Variants in MRC1 observed in about 807,000 individuals in gnomAD.
The protein encoded by MRC1 is mannose receptor C-type 1, also known as macrophage mannose receptor 1.
Under a neutral mutation model 102.9 loss-of-function variants are expected in MRC1, and 62 were observed. That is an observed-to-expected ratio of 0.60 (90% CI 0.49 to 0.74). MRC1 has a LOEUF of 0.74. MRC1 is among the 30% of genes least tolerant of loss of function. The probability of loss-of-function intolerance (pLI) is 0.00; values close to 1 mark genes in which losing one functional copy is unlikely to be tolerated. For synonymous variants in MRC1, 457 were observed against 298.4 expected, an observed-to-expected ratio of 1.53 and a Z score of -5.48; for missense variants, 1,237 against 862.8, an observed-to-expected ratio of 1.43 and a Z score of -5.43.
intron 2 of MRC1, among the ~76,000 whole-genome samples, chr10:17,824,231 C>T (rs1838440483): frequency 6.6e-6 from 1 of 152,152 alleles, no homozygotes; most frequent in Non-Finnish European, 1.5e-5. Flanking sequence ...AACAAAAATA[C>T]AACACAACTT....
At chr10:17,823,655 T>C (rs1194494588) in intron 2 of MRC1, among the ~76,000 whole-genome samples, 180 bp downstream of exon 2, 1 of 152,254 alleles carries the variant, frequency 6.6e-6, no homozygotes, top group Non-Finnish European at 1.5e-5. Context: ...TGAATAAATG[T>C]GATTAAAAAG....
chr10:17,846,281 T>C (rs972427167), intron 6 of MRC1, among the ~76,000 whole-genome samples: 3 of 152,198 alleles, frequency 2.0e-5, no homozygotes, highest in Admixed American at 2.0e-4. Context: ...TACAATTTTA[T>C]AGGAGAATAA....
chr10:17,907,430 T>C lies in MRC1; in HGVS notation c.3914-104T>C, dbSNP rs1589197942. 10 of 757,620 alleles carry C rather than the reference T, an allele frequency of 1.3e-5. No homozygotes were observed. In the East Asian group the frequency reaches 2.4e-4, roughly 18 times the overall value. The allele number at this position is 757,620 out of a possible 1,614,324, so 46.9% of individuals were successfully genotyped here. A position where few individuals can be genotyped will look rare whatever the true frequency, so the allele number is the denominator to read the frequency against. On this transcript the variant is annotated intron_variant, in intron 27 of 29. Transcript: ENST00000569591. ...TCTGGTTATAAATGACTATTGATTC[T>C]AGTATAAAAGAATATGCTTAGAAAT... is the stretch of plus-strand genomic sequence containing the variant.
chr10:17,880,010 TAA>T (rs1229657613), intron 19 of MRC1, among the ~76,000 whole-genome samples, 189 bp downstream of exon 19: 1 of 152,202 alleles, frequency 6.6e-6, no homozygotes, highest in Non-Finnish European at 1.5e-5. Context: ...TTTACACTAG[TAA>T]ATGACATAGT....
At chr10:17,828,610 T>A (rs2130602762) in intron 3 of MRC1, among the ~76,000 whole-genome samples, 1 of 151,620 alleles carries the variant, frequency 6.6e-6, no homozygotes, top group South Asian at 2.1e-4. Flanking sequence ...ATCAAAAGTG[T>A]TCTTCACAGT....
intron 17 of MRC1, among the ~76,000 whole-genome samples, chr10:17,875,574 G>A (rs1833425258): frequency 1.3e-5 from 2 of 152,070 alleles, no homozygotes; most frequent in Non-Finnish European, 2.9e-5. Flanking sequence ...TTCCATCCAG[G>A]TTGCTGCAAA....
intron 26 of MRC1, among the ~76,000 whole-genome samples, chr10:17,905,205 T>C (rs1302275269): frequency 6.6e-6 from 1 of 152,172 alleles, no homozygotes; most frequent in Non-Finnish European, 1.5e-5. Context: ...GTTGTGGGGC[T>C]GTTGGTTTTT....
intron 1 of MRC1, 121 bp downstream of exon 1, chr10:17,809,647 T>TG (rs1388063835): frequency 1.3e-6 from 1 of 794,206 alleles, no homozygotes; most frequent in African/African-American, 1.7e-5. Flanking sequence ...GGGGTTCCCC[T>TG]GCACCACGCA....
At chr10:17,843,756 A>G (rs1163202593) in intron 5 of MRC1, among the ~76,000 whole-genome samples, 1 of 152,152 alleles carries the variant, frequency 6.6e-6, no homozygotes, top group African/African-American at 2.4e-5. Flanking sequence ...TCATTTAATT[A>G]CCACACAAAG....
intron 7 of MRC1, among the ~76,000 whole-genome samples, chr10:17,852,556 A>G (rs1360141341): frequency 2.6e-5 from 4 of 152,216 alleles, no homozygotes; most frequent in Admixed American, 2.6e-4. Flanking sequence ...AGTCAAACAG[A>G]TGTATATAAA....
At chr10:17,859,139 G>A (rs987297616) in intron 9 of MRC1, among the ~76,000 whole-genome samples, 11 of 152,032 alleles carry the variant, frequency 7.2e-5, no homozygotes, top group East Asian at 3.9e-4. Flanking sequence ...TAGACATTCC[G>A]TACTTTGGGG....
chr10:17,879,856 G>A (rs1287245990), intron 19 of MRC1, 35 bp downstream of exon 19: 2 of 780,700 alleles, frequency 2.6e-6, no homozygotes, highest in Admixed American at 3.4e-5. Context: ...TTGCTTTGTG[G>A]CGTGGCGTGT....
Position 17,870,348 on chromosome 10 carries a change from C to G in MRC1, c.2086C>G (p.Gln696Glu). ...DLASINNKEE[Q>E]QTIWRLITAS... is the part of the protein sequence containing the mutation. Reference sequence around the variant, plus strand: ...AGCTAGCATCAATAACAAAGAGGAACAGCAAACAATATGGCGATTAATAAC... The same window carrying G: ...AGCTAGCATCAATAACAAAGAGGAAGAGCAAACAATATGGCGATTAATAAC... Residue 696 changes from glutamine to glutamate, a missense_variant, in exon 13 of 30, where the codon CAG (glutamine) becomes GAG (glutamate). By Grantham distance (29) the Gln-to-Glu change is conservative. Coordinates refer to ENST00000569591, the MANE Select transcript of MRC1 (RefSeq NM_002438.4). 1 of 780,332 alleles carries G rather than the reference C, an allele frequency of 1.3e-6. No homozygotes were observed. Among genetic ancestry groups the G allele is most frequent in the Non-Finnish European group, 2.4e-6 (1 of 417,678 alleles). The allele number at this position is 780,332 out of a possible 1,614,324, so 48.3% of individuals were successfully genotyped here. A position where few individuals can be genotyped will look rare whatever the true frequency, so the allele number is the denominator to read the frequency against.
intron 9 of MRC1, 110 bp from the exon 10 acceptor site, chr10:17,861,277 T>A (rs1317968676): frequency 5.1e-6 from 3 of 592,962 alleles, no homozygotes; most frequent in Non-Finnish European, 9.1e-6. Context: ...TGCGCCATTG[T>A]ACTCCAGCCT....
At chr10:17,847,617 T>G (rs1383681869) in intron 6 of MRC1, among the ~76,000 whole-genome samples, 1 of 152,234 alleles carries the variant, frequency 6.6e-6, no homozygotes, top group Non-Finnish European at 1.5e-5. Flanking sequence ...CTAACCCGTT[T>G]GTCCATAATC....
At chr10:17,818,316 T>C (rs1838343235) in intron 1 of MRC1, among the ~76,000 whole-genome samples, 1 of 152,192 alleles carries the variant, frequency 6.6e-6, no homozygotes, top group South Asian at 2.1e-4. Context: ...TGTTGAGAGA[T>C]TATTTATGCT....
chr10:17,836,529 A>G (rs1264722033), intron 4 of MRC1, among the ~76,000 whole-genome samples: 1 of 152,184 alleles, frequency 6.6e-6, no homozygotes, highest in African/African-American at 2.4e-5. Context: ...ACTTGCAGGC[A>G]CGAGAGAAAA....
intron 2 of MRC1, among the ~76,000 whole-genome samples, chr10:17,823,907 G>C (rs1359380172): frequency 2.0e-5 from 3 of 152,112 alleles, no homozygotes; most frequent in African/African-American, 7.2e-5. Context: ...TCCCAATTTA[G>C]ATTGCCTAAG....
At chr10:17,839,225 C>T (rs1187985482) in intron 4 of MRC1, among the ~76,000 whole-genome samples, 3 of 152,124 alleles carry the variant, frequency 2.0e-5, no homozygotes, top group African/African-American at 7.2e-5. Context: ...TCTTAAAGAG[C>T]TATTATCATT....
Sources: gnomAD v4.1 joint callset for allele counts (sites outside exome capture counted in the v4.1 genomes callset) on GRCh38, gnomAD v4.1.1 for gene constraint, MANE v1.5 for transcripts, NCBI Gene and HGNC (gene_info 2026-07-23, HGNC 2026-07-21) for gene names.